Variants in TVP23C observed in about 807,000 individuals in gnomAD.
TVP23C encodes the protein trans-golgi network vesicle protein 23 homolog C.
A neutral mutation model predicts 28.7 loss-of-function variants in TVP23C; 19 were observed. The observed-to-expected ratio is 0.66, with a 90% CI of 0.46 to 0.97. TVP23C has a LOEUF of 0.97. Among genes scored for constraint, TVP23C ranks in the 50% least tolerant of loss-of-function variants. TVP23C has a pLI of 0.00. For synonymous variants in TVP23C, 68 were observed against 81.7 expected (o/e 0.83, Z 0.90); for missense variants, 186 against 241.3 (o/e 0.77, Z 1.52).
chr17:15,552,622 TGC>T (rs1028916776), intron 3 of TVP23C, among the ~76,000 whole-genome samples: 1 of 151,548 alleles, frequency 6.6e-6, no homozygotes, highest in African/African-American at 2.4e-5. Context: ...AGGCAGAGGT[TGC>T]GGTGAGCCAA....
chr17:15,558,337 T>C (rs1489116508), intron 1 of TVP23C, among the ~76,000 whole-genome samples: 1 of 143,472 alleles, frequency 7.0e-6, no homozygotes, highest in Admixed American at 7.2e-5. Context: ...TCCCTGCCAA[T>C]CTCTAAGACC....
Position 15,560,860 on chromosome 17 carries a change from T to C in TVP23C, c.12+2577A>G, listed in dbSNP as rs527693670. Among the ~76,000 whole-genome samples the C allele has an allele frequency of 2.0e-5, 3 of 150,346 alleles. 1 individual carries two copies. Among genetic ancestry groups the C allele is most frequent in the South Asian group, 4.3e-4 (2 of 4,680 alleles). On this transcript the variant is annotated intron_variant, in intron 1 of 5. Coordinates refer to ENST00000518321, the MANE Select transcript of TVP23C (RefSeq NM_001135036.2). ...TGAGCCACCGCACCCGGCCAAGTTT[T>C]CATTTTTTAAGGTAAGAGAAATTAA...
intron 5 of TVP23C, among the ~76,000 whole-genome samples, chr17:15,528,503 G>C (rs1982818561): frequency 6.6e-6 from 1 of 152,118 alleles, no homozygotes; most frequent in African/African-American, 2.4e-5. Context: ...ATTGAAGCCT[G>C]TTTTATGGCC....
rs568909748 is a variant in TVP23C, at chr17:15,538,155, C to G, written c.*2257G>C. ...GGAAGTCTGATCATCTCCAGTGTTC[C>G]GCAAAAGACAAAAAAAGAACTCCTT... is the stretch of plus-strand genomic sequence containing the variant. On this transcript the variant is annotated 3_prime_UTR_variant, in exon 6 of 6. Transcript: ENST00000518321. The G allele has an allele frequency of 6.2e-7, 1 of 1,613,452 alleles. No individual in the cohort carries two copies. The highest frequency in any genetic ancestry group is 8.5e-7 in the Non-Finnish European group (1 of 1,179,794).
At chr17:15,544,713 G>A (rs1315868504) in intron 5 of TVP23C, among the ~76,000 whole-genome samples, 2 of 152,014 alleles carry the variant, frequency 1.3e-5, no homozygotes, top group East Asian at 1.9e-4. Flanking sequence ...ATGAAAGAGG[G>A]TAATGATATA....
chr17:15,502,973 A>G (rs1981544350), exon 6 of TVP23C: 2 of 1,614,160 alleles, frequency 1.2e-6, no homozygotes, highest in East Asian at 4.5e-5. Flanking sequence ...GGAGAGAAAT[A>G]GGCGGGCGGG....
chr17:15,525,534 T>G (rs965988408), intron 5 of TVP23C, among the ~76,000 whole-genome samples: 1 of 152,238 alleles, frequency 6.6e-6, no homozygotes, highest in Admixed American at 6.5e-5. Flanking sequence ...CCTGAGGAAG[T>G]AGAAAGTTGA....
At chr17:15,562,570 A>G (rs1414990016) in intron 1 of TVP23C, 7 of 152,154 alleles carry the variant, frequency 4.6e-5, no homozygotes, top group Non-Finnish European at 8.8e-5. Context: ...ATACAGCTGA[A>G]TTTAACCATT....
intron 3 of TVP23C, among the ~76,000 whole-genome samples, chr17:15,552,566 C>T (rs1183993312): frequency 6.6e-6 from 1 of 151,762 alleles, no homozygotes; most frequent in African/African-American, 2.4e-5. Context: ...TGCCTGTAAT[C>T]CCAGCTACTC....
chr17:15,537,973 T>C lies in TVP23C; in HGVS notation c.*2439A>G, dbSNP rs924132085. On this transcript the variant is annotated 3_prime_UTR_variant, in exon 6 of 6. Coordinates refer to ENST00000518321, the MANE Select transcript of TVP23C (RefSeq NM_001135036.2). ...TGCTGGAAAGGAAATAAAAACTTAA[T>C]ATGAAAACTACTTTTCCTTTTTATA... 36 of 1,461,062 alleles carry C rather than the reference T, an allele frequency of 2.5e-5. 1 individual carries two copies. In the African/African-American group the frequency reaches 4.0e-4, roughly 16 times the overall value. 90.5% of individuals were successfully genotyped at this position (1,461,062 alleles called of 1,614,324 possible).
rs549543294 is a variant in TVP23C at position 15,563,001 on chromosome 17, G to A, written c.12+436C>T. On this transcript the variant is annotated intron_variant, in intron 1 of 5. Transcript: ENST00000518321. ...TACAATTAACTCTAAGAGCACAAAG[G>A]AGAGAATCACCAACAACATTAGTTT... The A allele has an allele frequency of 7.5e-5, 15 of 201,122 alleles. No homozygotes were observed. In the South Asian group the frequency reaches 2.3e-3, roughly 30 times the overall value. 12.5% of individuals were successfully genotyped at this position (201,122 alleles called of 1,614,324 possible).
At chr17:15,524,913 G>A (rs964056112) in intron 5 of TVP23C, among the ~76,000 whole-genome samples, 9 of 152,184 alleles carry the variant, frequency 5.9e-5, no homozygotes, top group South Asian at 2.1e-4. Flanking sequence ...ACCACCACTC[G>A]GCTCTTGGCA....
At chr17:15,556,002 C>T (rs1421187250) in intron 1 of TVP23C, among the ~76,000 whole-genome samples, 6 of 152,114 alleles carry the variant, frequency 3.9e-5, no homozygotes, top group South Asian at 2.1e-4. Flanking sequence ...CTGCAACCTC[C>T]GCCTCCCGGG....
rs552201111 is a variant in TVP23C, at chr17:15,526,259, T to C, written c.462+19526A>G. Among the ~76,000 whole-genome samples the C allele has an allele frequency of 1.4e-3, 210 of 152,260 alleles. 1 individual carries two copies. Among genetic ancestry groups the C allele is most frequent in the Admixed American group, 2.6e-3 (40 of 15,304 alleles). On this transcript the variant is annotated intron_variant, in intron 5 of 5. Coordinates refer to the TVP23C transcript ENST00000225576. The stretch of plus-strand genomic sequence containing the variant: ...CAGGTTTCCACTGCACTTTGCTAAT[T>C]TGATATGCTCCATTGGCTTCAAATC...
intron 1 of TVP23C, 83 bp downstream of exon 1, chr17:15,563,354 G>A: frequency 6.5e-7 from 1 of 1,531,164 alleles, no homozygotes; most frequent in Non-Finnish European, 8.8e-7. Flanking sequence ...AGCGGGCGCG[G>A]GGGACGCGGG....
chr17:15,508,441 A>G (rs1981861764), intron 5 of TVP23C, among the ~76,000 whole-genome samples: 1 of 152,214 alleles, frequency 6.6e-6, no homozygotes, highest in Admixed American at 6.5e-5. Flanking sequence ...AAAATGGGCC[A>G]AGGTAGGCAG....
chr17:15,558,788 T>C (rs1199358972), intron 1 of TVP23C, among the ~76,000 whole-genome samples: 1 of 148,744 alleles, frequency 6.7e-6, no homozygotes, highest in Non-Finnish European at 1.5e-5. Context: ...ACCAGAACTT[T>C]ACAACAGTAC....
chr17:15,510,314 A>G (rs1981945660), intron 5 of TVP23C, among the ~76,000 whole-genome samples: 1 of 152,222 alleles, frequency 6.6e-6, no homozygotes, highest in Non-Finnish European at 1.5e-5. Flanking sequence ...CAACCACATA[A>G]AAAGTGGGCA....
intron 5 of TVP23C, among the ~76,000 whole-genome samples, chr17:15,527,872 G>C (rs567931347): frequency 6.6e-6 from 1 of 152,320 alleles, no homozygotes; most frequent in South Asian, 2.1e-4. Flanking sequence ...AACAATGCTC[G>C]AATGCTTACA....
Sources: allele counts gnomAD v4.1 joint callset (sites outside exome capture counted in the v4.1 genomes callset), GRCh38; gene constraint gnomAD v4.1.1; transcripts MANE v1.5; gene names NCBI Gene and HGNC (gene_info 2026-07-23, HGNC 2026-07-21).